NKAIN2: variants seen among roughly 807,000 people sequenced by gnomAD.
The protein encoded by NKAIN2 is sodium/potassium transporting ATPase interacting 2.
NKAIN2 carries 14 observed loss-of-function variants against 32.6 expected under a neutral mutation model. The observed-to-expected ratio is 0.43, with a 90% CI of 0.28 to 0.67. The LOEUF is 0.67. Among genes scored for constraint, NKAIN2 ranks in the 30% least tolerant of loss-of-function variants. NKAIN2 has a pLI of 0.17. For synonymous variants in NKAIN2, 80 were observed against 87.2 expected (o/e 0.92, Z 0.46); for missense variants, 198 against 258.3 (o/e 0.77, Z 1.60).
At chr6:124,553,791 A>C (rs1230345239) in intron 3 of NKAIN2, among the ~76,000 whole-genome samples, 1 of 152,234 alleles carries the variant, frequency 6.6e-6, no homozygotes, top group Non-Finnish European at 1.5e-5. Flanking sequence ...ATTTGGTAGA[A>C]ATAAATTTAG....
chr6:124,278,650 CATATATATATATATATATATATATATAT>C (rs57008229), intron 1 of NKAIN2, among the ~76,000 whole-genome samples: 9 of 68,990 alleles, frequency 1.3e-4, no homozygotes, highest in East Asian at 9.7e-4. Flanking sequence ...ATACATAGCT[CATATATATATATATATATATATATATAT>C]ATATATATAT....
intron 3 of NKAIN2, among the ~76,000 whole-genome samples, chr6:124,626,897 T>C (rs1245717904): frequency 6.6e-6 from 1 of 152,124 alleles, no homozygotes; most frequent in Non-Finnish European, 1.5e-5. Context: ...TTTTTTGCCG[T>C]GTTATGTGAA....
At chr6:124,134,362 G>A (rs1277434249) in intron 1 of NKAIN2, among the ~76,000 whole-genome samples, 1 of 151,946 alleles carries the variant, frequency 6.6e-6, no homozygotes, top group African/African-American at 2.4e-5. Context: ...AAAGAAATTT[G>A]GGATTATGTT....
At chr6:124,606,448 T>C (rs1383864174) in intron 3 of NKAIN2, among the ~76,000 whole-genome samples, 4 of 152,064 alleles carry the variant, frequency 2.6e-5, no homozygotes, top group African/African-American at 9.7e-5. Context: ...TAGTCTTTAA[T>C]AGTATATATA....
intron 3 of NKAIN2, among the ~76,000 whole-genome samples, chr6:124,532,285 G>A (rs1427263287): frequency 3.3e-5 from 5 of 152,090 alleles, no homozygotes; most frequent in Non-Finnish European, 7.3e-5. Flanking sequence ...CATAGGGAGT[G>A]TTCACTCTCC....
At chr6:124,425,554 G>A (rs1001809592) in intron 3 of NKAIN2, among the ~76,000 whole-genome samples, 1 of 152,036 alleles carries the variant, frequency 6.6e-6, no homozygotes, top group Non-Finnish European at 1.5e-5. Flanking sequence ...ATATCTGATA[G>A]GGGTTTAATA....
intron 1 of NKAIN2, among the ~76,000 whole-genome samples, chr6:123,856,405 T>A (rs1775555936): frequency 6.6e-6 from 1 of 152,244 alleles, no homozygotes. Flanking sequence ...CCTATTTTAG[T>A]GAACAGTAGT....
At chr6:124,003,864 T>C (rs1779971329) in intron 1 of NKAIN2, among the ~76,000 whole-genome samples, 1 of 152,146 alleles carries the variant, frequency 6.6e-6, no homozygotes, top group South Asian at 2.1e-4. Flanking sequence ...ACAGAGTACA[T>C]GCTTAAATAT....
intron 1 of NKAIN2, among the ~76,000 whole-genome samples, chr6:124,024,609 CTTAAGA>C (rs1224796880): frequency 3.4e-5 from 5 of 145,142 alleles, no homozygotes; most frequent in Admixed American, 1.4e-4. Flanking sequence ...TAAAGCAGAT[CTTAAGA>C]TTATCAGTTA....
intron 3 of NKAIN2, among the ~76,000 whole-genome samples, chr6:124,415,222 G>C (rs1774408757): frequency 6.6e-6 from 1 of 152,144 alleles, no homozygotes; most frequent in Admixed American, 6.5e-5. Context: ...CTAATAGCAA[G>C]CTCCTGGTGG....
At chr6:124,000,660 G>A (rs941549672) in intron 1 of NKAIN2, among the ~76,000 whole-genome samples, 10 of 152,082 alleles carry the variant, frequency 6.6e-5, no homozygotes, top group Middle Eastern at 3.4e-3. Context: ...ACTCTGTAGG[G>A]TTTATAGCCT....
At chr6:124,039,946 A>G (rs1215651155) in intron 1 of NKAIN2, among the ~76,000 whole-genome samples, 2 of 151,966 alleles carry the variant, frequency 1.3e-5, no homozygotes, top group East Asian at 1.9e-4. Flanking sequence ...TTGTTTTAAC[A>G]TACACCTACA....
At chr6:124,142,806 A>G (rs779273633) in intron 1 of NKAIN2, among the ~76,000 whole-genome samples, 3 of 152,140 alleles carry the variant, frequency 2.0e-5, no homozygotes, top group Non-Finnish European at 2.9e-5. Flanking sequence ...CTCAAGTACT[A>G]TTTTTGTGTT....
At chr6:124,408,371 G>A (rs1421027841) in intron 3 of NKAIN2, among the ~76,000 whole-genome samples, 3 of 152,134 alleles carry the variant, frequency 2.0e-5, no homozygotes, top group African/African-American at 7.2e-5. Flanking sequence ...ATTAATTTTT[G>A]TATGAGGTGT....
At chr6:124,103,208 C>G (rs1417269849) in intron 1 of NKAIN2, among the ~76,000 whole-genome samples, 1 of 152,152 alleles carries the variant, frequency 6.6e-6, no homozygotes, top group African/African-American at 2.4e-5. Context: ...GAAACTAGAT[C>G]TTGCTACTGG....
At chr6:124,012,398 C>A (rs1209445665) in intron 1 of NKAIN2, among the ~76,000 whole-genome samples, 4 of 142,718 alleles carry the variant, frequency 2.8e-5, no homozygotes, top group African/African-American at 8.0e-5. Flanking sequence ...TTCAATGGTG[C>A]GATCTCGGCT....
At chr6:124,619,018 G>T (rs1285240423) in intron 3 of NKAIN2, among the ~76,000 whole-genome samples, 2 of 151,348 alleles carry the variant, frequency 1.3e-5, no homozygotes, top group Non-Finnish European at 2.9e-5. Context: ...TAAATCTAAG[G>T]TTTCCACAAA....
At chr6:124,545,629 T>A (rs1211838559) in intron 3 of NKAIN2, among the ~76,000 whole-genome samples, 2 of 151,408 alleles carry the variant, frequency 1.3e-5, no homozygotes, top group East Asian at 3.9e-4. Context: ...AAAGAATATA[T>A]GTCTAGGAAT....
intron 1 of NKAIN2, among the ~76,000 whole-genome samples, chr6:124,125,974 C>T (rs1435463626): frequency 6.6e-6 from 1 of 152,044 alleles, no homozygotes; most frequent in African/African-American, 2.4e-5. Flanking sequence ...TCATCATCAC[C>T]CTCTTCACCA....
Sources: gnomAD v4.1 joint callset for allele counts (sites outside exome capture counted in the v4.1 genomes callset) on GRCh38, gnomAD v4.1.1 for gene constraint, MANE v1.5 for transcripts, NCBI Gene and HGNC (gene_info 2026-07-23, HGNC 2026-07-21) for gene names.